LOXL2: variants seen among roughly 807,000 people sequenced by gnomAD.
The protein encoded by LOXL2 is lysyl oxidase like 2, also known as lysyl oxidase homolog 2.
LOXL2 carries 70 observed loss-of-function variants against 93.0 expected under a neutral mutation model. That is an observed-to-expected ratio of 0.75 (90% CI 0.62 to 0.92). The LOEUF is 0.92. Ranked by LOEUF, LOXL2 falls within the 40% of genes least tolerant of loss-of-function variation. LOXL2 has a pLI of 0.00. For synonymous variants in LOXL2, 438 were observed against 413.2 expected (o/e 1.06, Z -0.73); for missense variants, 973 against 1,054.9 (o/e 0.92, Z 1.08).
intron 3 of LOXL2, 170 bp from the exon 4 acceptor site, chr8:23,341,373 G>A (rs960474844): frequency 6.3e-6 from 4 of 632,276 alleles, no homozygotes; most frequent in Non-Finnish European, 1.1e-5. Context: ...CACGGCCCAA[G>A]CTGCAGTTAG....
At chr8:23,401,425 C>A (rs984894063) in intron 1 of LOXL2, among the ~76,000 whole-genome samples, 1 of 152,002 alleles carries the variant, frequency 6.6e-6, no homozygotes, top group African/African-American at 2.4e-5. Flanking sequence ...CTAAATATGG[C>A]ATCATAGTTA....
intron 1 of LOXL2, among the ~76,000 whole-genome samples, chr8:23,381,047 T>TG (rs1319715888): frequency 6.7e-6 from 1 of 149,366 alleles, no homozygotes; most frequent in Non-Finnish European, 1.5e-5. Flanking sequence ...GTAATACCAC[T>TG]GGGGGGCGGG....
At chr8:23,375,238 T>A (rs1804569276) in intron 1 of LOXL2, among the ~76,000 whole-genome samples, 1 of 152,104 alleles carries the variant, frequency 6.6e-6, no homozygotes, top group African/African-American at 2.4e-5. Flanking sequence ...TCAGGTTTGT[T>A]AAAGATCGGA....
At chr8:23,391,737 G>A (rs1163552470) in intron 1 of LOXL2, among the ~76,000 whole-genome samples, 1 of 152,154 alleles carries the variant, frequency 6.6e-6, no homozygotes, top group Non-Finnish European at 1.5e-5. Flanking sequence ...ATAGGGATGG[G>A]GCCCGTGGCA....
intron 3 of LOXL2, among the ~76,000 whole-genome samples, chr8:23,359,042 C>T (rs892222796): frequency 2.6e-5 from 4 of 151,858 alleles, no homozygotes; most frequent in African/African-American, 4.8e-5. Flanking sequence ...TTAGTAGAGA[C>T]GGGGTTTCAC....
At chr8:23,388,081 T>C (rs1804790657) in intron 1 of LOXL2, among the ~76,000 whole-genome samples, 1 of 152,196 alleles carries the variant, frequency 6.6e-6, no homozygotes, top group South Asian at 2.1e-4. Flanking sequence ...GCAGCTAATA[T>C]ATCTTGGTTC....
intron 10 of LOXL2, among the ~76,000 whole-genome samples, chr8:23,307,606 G>C (rs769988287): frequency 1.3e-5 from 2 of 152,174 alleles, no homozygotes; most frequent in African/African-American, 4.8e-5. Context: ...CATGTAATCT[G>C]TGGGTGGGCT....
At chr8:23,316,783 G>T in intron 9 of LOXL2, 166 bp downstream of exon 9, 1 of 636,744 alleles carries the variant, frequency 1.6e-6, no homozygotes, top group Non-Finnish European at 2.6e-6. Context: ...ATCTGTGGTT[G>T]GGGTGGCGGT....
chr8:23,392,411 T>G (rs182260770), intron 1 of LOXL2, among the ~76,000 whole-genome samples: 1 of 152,178 alleles, frequency 6.6e-6, no homozygotes, highest in Non-Finnish European at 1.5e-5. Context: ...GGTAATGTCA[T>G]CCACAGGGTA....
rs112401564 is a variant in LOXL2 at position 23,381,498 on chromosome 8, C to G, written c.-83-13064G>C. On this transcript the variant is annotated intron_variant, in intron 1 of 13. Transcript: ENST00000389131. ...CTCTGGCTATGACCATGTTTTCAAA[C>G]TTTCCTCCATCTGATAAGCAAAAAA... is the stretch of plus-strand genomic sequence containing the variant. Among the ~76,000 whole-genome samples the G allele has an allele frequency of 2.5e-3, 382 of 152,334 alleles. 1 individual carries two copies. The highest frequency in any genetic ancestry group is 9.0e-3 in the African/African-American group (374 of 41,572).
At chr8:23,392,705 T>C (rs1800027136) in intron 1 of LOXL2, among the ~76,000 whole-genome samples, 1 of 152,104 alleles carries the variant, frequency 6.6e-6, no homozygotes, top group African/African-American at 2.4e-5. Context: ...TCCAACTGCT[T>C]TTACACCCCC....
intron 2 of LOXL2, chr8:23,363,562 A>G (rs1000548603): frequency 5.9e-5 from 9 of 152,218 alleles, no homozygotes; most frequent in African/African-American, 1.9e-4. Flanking sequence ...AAGCTGCCAA[A>G]GTGACAGAGA....
chr8:23,346,102 A>T (rs189603454), intron 3 of LOXL2, among the ~76,000 whole-genome samples: 24,170 of 125,932 alleles, frequency 0.19, 2,553 homozygotes, highest in African/African-American at 0.32. Context: ...AAAATAAAAT[A>T]AAATAAAATA....
rs557559274 is a variant in LOXL2 at position 23,314,809 on chromosome 8, AATAC to A, written c.1636+2136_1636+2139del. On this transcript the variant is annotated intron_variant, in intron 9 of 13. Transcript: ENST00000389131. ...AAAGTATAATAATAATAAATACATA[AATAC>A]ATAAATAAAACGAAAAAAGAAAAAA... Among the ~76,000 whole-genome samples, 636 of 144,592 alleles carry A rather than the reference AATAC, an allele frequency of 4.4e-3. 7 individuals carry two copies. The highest frequency in any genetic ancestry group is 0.016 in the African/African-American group (598 of 38,354). The allele number at this position is 144,592 out of a possible 152,430, so 94.9% of individuals were successfully genotyped here.
intron 10 of LOXL2, among the ~76,000 whole-genome samples, chr8:23,309,305 A>G (rs140849131): frequency 2.6e-4 from 40 of 152,338 alleles, no homozygotes; most frequent in African/African-American, 9.4e-4. Flanking sequence ...AAAGGAATTT[A>G]GAGTCCAGCA....
chr8:23,306,327 C>T (rs1047702552), intron 10 of LOXL2, among the ~76,000 whole-genome samples: 8 of 152,220 alleles, frequency 5.3e-5, no homozygotes, highest in East Asian at 1.9e-4. Context: ...ACCCCAGCCA[C>T]GTGTCCGCGG....
At chr8:23,385,681 C>T (rs779117905) in intron 1 of LOXL2, 190 of 504,380 alleles carry the variant, frequency 3.8e-4, no homozygotes, top group Non-Finnish European at 5.4e-4. Flanking sequence ...TTCATCCTCT[C>T]GTCTGGATGA....
chr8:23,346,670 G>C (rs11990625), intron 3 of LOXL2, among the ~76,000 whole-genome samples: 61,860 of 152,068 alleles, frequency 0.41, 13,446 homozygotes, highest in African/African-American at 0.57. Flanking sequence ...TCAGGGAAAG[G>C]TACAAGGAGA....
At chr8:23,389,505 C>T (rs1176866034) in intron 1 of LOXL2, among the ~76,000 whole-genome samples, 2 of 152,184 alleles carry the variant, frequency 1.3e-5, no homozygotes, top group Non-Finnish European at 2.9e-5. Flanking sequence ...ATCAATGACA[C>T]TTGACCTTGT....
Sources: allele counts gnomAD v4.1 joint callset (sites outside exome capture counted in the v4.1 genomes callset), GRCh38; gene constraint gnomAD v4.1.1; transcripts MANE v1.5; gene names NCBI Gene and HGNC (gene_info 2026-07-23, HGNC 2026-07-21).